RRH: variants seen among roughly 807,000 people sequenced by gnomAD.
RRH encodes visual pigment-like receptor peropsin.
A neutral mutation model predicts 33.1 loss-of-function variants in RRH; 36 were observed. The ratio of observed to expected loss-of-function variants is 1.09; its 90% CI spans 0.83 to 1.44. RRH has a LOEUF of 1.44. RRH is among the 40% of genes most tolerant of loss of function. The probability of loss-of-function intolerance (pLI) is 0.00; values close to 1 mark genes in which losing one functional copy is unlikely to be tolerated. For missense variants in RRH, 393 were observed against 420.2 expected (o/e 0.94, Z 0.57); for synonymous variants, 124 against 140.2 (o/e 0.88, Z 0.82).
chr4:109,842,886 A>G (rs1734011369), intron 6 of RRH, among the ~76,000 whole-genome samples: 1 of 152,180 alleles, frequency 6.6e-6, no homozygotes, highest in African/African-American at 2.4e-5. Context: ...TCTACCAGCT[A>G]AGCATCCCCA....
intron 2 of RRH, 47 bp from the exon 3 acceptor site, chr4:109,835,319 T>A: frequency 7.9e-7 from 1 of 1,266,276 alleles, no homozygotes; most frequent in Non-Finnish European, 1.2e-6. Flanking sequence ...TAATGTTTCT[T>A]GGGAGGGTGT....
At chr4:109,835,707 G>A (rs2125893150) in intron 3 of RRH, among the ~76,000 whole-genome samples, 1 of 152,146 alleles carries the variant, frequency 6.6e-6, no homozygotes, top group South Asian at 2.1e-4. Context: ...CATACCTGCT[G>A]TTTTGCTAGG....
intron 1 of RRH, among the ~76,000 whole-genome samples, chr4:109,832,122 A>G (rs1484458815): frequency 6.7e-6 from 1 of 149,690 alleles, no homozygotes; most frequent in Non-Finnish European, 1.5e-5. Flanking sequence ...CTAACAATCC[A>G]GTAATGATTC....
intron 2 of RRH, among the ~76,000 whole-genome samples, chr4:109,834,325 CTTT>C (rs70954188): frequency 2.3e-4 from 30 of 132,920 alleles, no homozygotes; most frequent in South Asian, 9.5e-4. Flanking sequence ...TTTTCTTTTC[CTTT>C]TTTTTTTTTT....
chr4:109,835,899 A>G (rs1733871733), intron 3 of RRH, 108 bp from the exon 4 acceptor site: 2 of 1,388,014 alleles, frequency 1.4e-6, no homozygotes, highest in Admixed American at 1.7e-5. Flanking sequence ...AGGCCAATCA[A>G]AGTGCTCTGT....
At chr4:109,828,643 A>C (rs1369082483) in intron 1 of RRH, among the ~76,000 whole-genome samples, 1 of 152,104 alleles carries the variant, frequency 6.6e-6, no homozygotes, top group African/African-American at 2.4e-5. Context: ...AAGAAGACAG[A>C]GCAGGGTATA....
chr4:109,833,530 A>G (rs140028650), intron 2 of RRH, among the ~76,000 whole-genome samples: 137 of 152,342 alleles, frequency 9.0e-4, no homozygotes, highest in Middle Eastern at 3.4e-3. Flanking sequence ...TATTTTCAAA[A>G]TTCTCCCAAC....
chr4:109,835,465 G>A lies in RRH; in HGVS notation c.397G>A (p.Gly133Arg). 6.2e-7 allele frequency: 1 copy of A among 1,607,286 alleles called. No homozygotes were observed. Among genetic ancestry groups the A allele is most frequent in the Non-Finnish European group, 8.5e-7 (1 of 1,173,886 alleles). Residue 133 changes from glycine (G) to arginine (R), a missense_variant and splice_region_variant, in exon 3 of 7, where the codon GGG (glycine) becomes AGG (arginine). Transcript: ENST00000317735. ...CCTGACCATCTGCCTTCCTGACGTAGGTACAACACTTTTCTCAGCTTTCTT... is the reference window on the plus strand; with the variant it reads ...CCTGACCATCTGCCTTCCTGACGTAAGTACAACACTTTTCTCAGCTTTCTT... ...RYLTICLPDV[G>R]RRMTTNTYIG...
intron 6 of RRH, among the ~76,000 whole-genome samples, chr4:109,843,053 T>A (rs1013237863): frequency 6.6e-6 from 1 of 152,214 alleles, no homozygotes; most frequent in African/African-American, 2.4e-5. Flanking sequence ...AAGGCAACAT[T>A]GGGCTCACTT....
chr4:109,830,905 G>T (rs1347581546), intron 1 of RRH, among the ~76,000 whole-genome samples: 1 of 152,162 alleles, frequency 6.6e-6, no homozygotes, highest in Non-Finnish European at 1.5e-5. Flanking sequence ...TGTTTCAAGA[G>T]TGAAGGAGAA....
rs757170299 is a variant in RRH at position 109,833,336 on chromosome 4, G to A, written c.297+7G>A. On this transcript the variant is annotated splice_region_variant and intron_variant, in intron 2 of 6. Transcript: ENST00000317735. ...TGGATACGCAGGCTGTCAGGTATTG[G>A]AGATCATTGGAATGAAAGCAAAATA... The A allele has an allele frequency of 2.0e-5, 32 of 1,610,914 alleles. No homozygotes were observed. Among genetic ancestry groups the A allele is most frequent in the Non-Finnish European group, 2.5e-5 (30 of 1,177,268 alleles).
intron 6 of RRH, 101 bp downstream of exon 6, chr4:109,842,748 G>C: frequency 9.6e-7 from 1 of 1,037,182 alleles, no homozygotes. Context: ...CTTCAATCTA[G>C]CATAAAGGTC....
chr4:109,834,510 A>AT (rs35857159), intron 2 of RRH, among the ~76,000 whole-genome samples: 62,156 of 124,138 alleles, frequency 0.5, 16,958 homozygotes, highest in Non-Finnish European at 0.65. Flanking sequence ...TTTTTTTTGT[A>AT]TTTTTTTTTT....
intron 5 of RRH, among the ~76,000 whole-genome samples, chr4:109,837,840 A>AAC (rs1733915327): frequency 3.3e-5 from 2 of 61,044 alleles, no homozygotes; most frequent in African/African-American, 8.0e-5. Context: ...CAATGGCACG[A>AAC]TCTCGGCTCA....
Position 109,828,131 on chromosome 4 carries a change from C to T in RRH, c.104C>T (p.Ala35Val), listed in dbSNP as rs1344078366. 1.9e-6 allele frequency: 3 copies of T among 1,592,178 alleles called. No homozygotes were observed. The highest frequency in any genetic ancestry group is 2.6e-6 in the Non-Finnish European group (3 of 1,160,396). ...HNIVATYLIM[A>V]GMISIISNII... ...ATTGTTGCAACTTACTTGATTATGGCAGGTATGGATATTTAAGTAAGTTAT... is the reference window on the plus strand; with the variant it reads ...ATTGTTGCAACTTACTTGATTATGGTAGGTATGGATATTTAAGTAAGTTAT... Residue 35 changes from alanine (A) to valine (V), a missense_variant and splice_region_variant, in exon 1 of 7, where the codon GCA (alanine) becomes GTA (valine). Ala to Val is a moderately conservative substitution (Grantham distance 64). Coordinates refer to ENST00000317735, the MANE Select transcript of RRH (RefSeq NM_006583.5).
intron 5 of RRH, among the ~76,000 whole-genome samples, chr4:109,841,041 A>C (rs986374239): frequency 1.3e-5 from 2 of 152,174 alleles, no homozygotes; most frequent in African/African-American, 4.8e-5. Flanking sequence ...TCTTGAGCTC[A>C]GTGAATTCTA....
chr4:109,842,302 GA>G (rs143079604), intron 5 of RRH, among the ~76,000 whole-genome samples, 166 bp from the exon 6 acceptor site: 1,641 of 151,912 alleles, frequency 0.011, 25 homozygotes, highest in African/African-American at 0.036. Flanking sequence ...TCAGGCACTT[GA>G]AAAAAGAACA....
At chr4:109,840,544 T>C (rs1341474461) in intron 5 of RRH, among the ~76,000 whole-genome samples, 1 of 152,186 alleles carries the variant, frequency 6.6e-6, no homozygotes, top group Non-Finnish European at 1.5e-5. Context: ...TCTTTGCCTG[T>C]GCCTATGTCC....
intron 1 of RRH, among the ~76,000 whole-genome samples, chr4:109,831,501 A>T (rs918838948): frequency 1.3e-5 from 2 of 152,226 alleles, no homozygotes; most frequent in Admixed American, 6.5e-5. Context: ...ATAGTGTTAC[A>T]TAAGACTCAG....
Sources: allele counts gnomAD v4.1 joint callset (sites outside exome capture counted in the v4.1 genomes callset), GRCh38; gene constraint gnomAD v4.1.1; transcripts MANE v1.5; gene names NCBI Gene and HGNC (gene_info 2026-07-23, HGNC 2026-07-21).